Variants in TMEM132D observed in about 807,000 individuals in gnomAD.
TMEM132D encodes mature OL transmembrane protein.
A neutral mutation model predicts 62.3 loss-of-function variants in TMEM132D; 21 were observed. The ratio of observed to expected loss-of-function variants is 0.34; its 90% CI spans 0.24 to 0.49. The LOEUF is 0.49. TMEM132D is among the 20% of genes least tolerant of loss of function. The pLI is 0.99. For missense variants in TMEM132D, 1,346 were observed against 1,402.8 expected (o/e 0.96, Z 0.65); for synonymous variants, 621 against 575.6 (o/e 1.08, Z -1.13).
At chr12:129,500,509 T>C (rs1286138094) in intron 3 of TMEM132D, among the ~76,000 whole-genome samples, 5 of 152,074 alleles carry the variant, frequency 3.3e-5, no homozygotes, top group African/African-American at 7.2e-5. Flanking sequence ...TTGCTCTTTC[T>C]CTACCCTTGG....
chr12:129,686,884 C>G (rs1050141945), intron 2 of TMEM132D, among the ~76,000 whole-genome samples: 1 of 152,174 alleles, frequency 6.6e-6, no homozygotes, highest in East Asian at 1.9e-4. Context: ...ATCTCAACTC[C>G]CAGAGGAATG....
intron 1 of TMEM132D, among the ~76,000 whole-genome samples, chr12:129,895,722 AT>A (rs1875088180): frequency 6.6e-6 from 1 of 152,128 alleles, no homozygotes; most frequent in Non-Finnish European, 1.5e-5. Context: ...AATCTAGAAT[AT>A]TTTTAATTTG....
rs2135601112 is a variant in TMEM132D at position 129,073,842 on chromosome 12, G to A, written c.*33C>T. The A allele has an allele frequency of 6.7e-7, 1 of 1,498,774 alleles. No homozygotes were observed. Among genetic ancestry groups the A allele is most frequent in the Non-Finnish European group, 8.9e-7 (1 of 1,118,240 alleles). 92.8% of individuals were successfully genotyped at this position (1,498,774 alleles called of 1,614,324 possible). On this transcript the variant is annotated 3_prime_UTR_variant, in exon 9 of 9. Coordinates refer to ENST00000422113, the MANE Select transcript of TMEM132D (RefSeq NM_133448.3). ...ACATCCTGGAATTAAAGGCTGAAAG[G>A]TGAGTGAGAACCAATGTCTGTGTGT...
At chr12:129,799,162 G>A (rs1200575079) in intron 1 of TMEM132D, among the ~76,000 whole-genome samples, 3 of 152,100 alleles carry the variant, frequency 2.0e-5, no homozygotes, top group Admixed American at 6.5e-5. Flanking sequence ...CTACTCAGGA[G>A]GCTGAGGCAG....
At chr12:129,330,040 G>A (rs897397425) in intron 4 of TMEM132D, among the ~76,000 whole-genome samples, 28 of 152,140 alleles carry the variant, frequency 1.8e-4, no homozygotes, top group Admixed American at 1.6e-3. Flanking sequence ...ATTTTCTACC[G>A]AATCACAGAT....
chr12:129,071,747 A>G lies in TMEM132D; in HGVS notation c.*2128T>C, dbSNP rs1874072092. On this transcript the variant is annotated 3_prime_UTR_variant, in exon 9 of 9. Coordinates refer to ENST00000422113, the MANE Select transcript of TMEM132D (RefSeq NM_133448.3). ...TAAAGCCACTGAATGCAAACTTTAT[A>G]TTTACAGTCAGTAAGTTTATAAATA... 6.6e-6 allele frequency: 1 copy of G among 152,308 alleles called. No individual in the cohort carries two copies. The highest frequency in any genetic ancestry group is 1.5e-5 in the Non-Finnish European group (1 of 68,046). The allele number at this position is 152,308 out of a possible 1,614,324, so 9.4% of individuals were successfully genotyped here. A position where few individuals can be genotyped will look rare whatever the true frequency, so the allele number is the denominator to read the frequency against.
At chr12:129,888,280 G>A (rs572294280) in intron 1 of TMEM132D, among the ~76,000 whole-genome samples, 1 of 152,280 alleles carries the variant, frequency 6.6e-6, no homozygotes, top group East Asian at 1.9e-4. Flanking sequence ...AACACCCAAA[G>A]GATAGAGTAA....
intron 5 of TMEM132D, chr12:129,110,693 C>G (rs998854062): frequency 6.6e-6 from 1 of 152,212 alleles, no homozygotes; most frequent in African/African-American, 2.4e-5. Context: ...TATAGGTCAG[C>G]CCCCTGGCTC....
chr12:129,859,678 T>A (rs1873831533), intron 1 of TMEM132D, among the ~76,000 whole-genome samples: 1 of 152,172 alleles, frequency 6.6e-6, no homozygotes, highest in Non-Finnish European at 1.5e-5. Context: ...TAAGCTGGGT[T>A]CCTGAATCTT....
intron 5 of TMEM132D, among the ~76,000 whole-genome samples, chr12:129,165,353 G>A (rs969693438): frequency 6.6e-6 from 1 of 152,194 alleles, no homozygotes; most frequent in African/African-American, 2.4e-5. Context: ...GCATTTCATG[G>A]TGTGTAAAGT....
chr12:129,886,645 G>A (rs1403659166), intron 1 of TMEM132D, among the ~76,000 whole-genome samples: 2 of 152,132 alleles, frequency 1.3e-5, no homozygotes, highest in Non-Finnish European at 2.9e-5. Context: ...CCAGGGCCAG[G>A]GAGAACACAA....
intron 5 of TMEM132D, among the ~76,000 whole-genome samples, chr12:129,151,919 C>T (rs1307725026): frequency 7.1e-6 from 1 of 140,172 alleles, no homozygotes; most frequent in African/African-American, 2.6e-5. Context: ...GCTCTGTTGT[C>T]CAGGCTGGAG....
At chr12:129,399,958 G>C (rs959077795) in intron 3 of TMEM132D, among the ~76,000 whole-genome samples, 48 of 152,120 alleles carry the variant, frequency 3.2e-4, no homozygotes, top group African/African-American at 1.1e-3. Flanking sequence ...ATCAAAATTA[G>C]TAGGAAAACA....
intron 2 of TMEM132D, among the ~76,000 whole-genome samples, chr12:129,633,322 C>G (rs1287863217): frequency 3.3e-5 from 5 of 152,152 alleles, no homozygotes; most frequent in Non-Finnish European, 7.4e-5. Context: ...TTACAAGGAG[C>G]TTTTACCTAT....
chr12:129,255,379 T>C lies in TMEM132D; in HGVS notation c.1300-45716A>G, dbSNP rs557295236. On this transcript the variant is annotated intron_variant, in intron 4 of 8. Coordinates refer to ENST00000422113, the MANE Select transcript of TMEM132D (RefSeq NM_133448.3). Reference sequence around the variant, plus strand: ...AAGAGAGTTGATTATTTCCTTTTACTGATGTGTTCACTCAAGGTTTGACCC... The same window carrying C: ...AAGAGAGTTGATTATTTCCTTTTACCGATGTGTTCACTCAAGGTTTGACCC... Among the ~76,000 whole-genome samples the C allele has an allele frequency of 2.6e-5, 4 of 152,304 alleles. No homozygotes were observed. In the South Asian group the frequency reaches 8.3e-4, roughly 32 times the overall value.
Position 129,279,643 on chromosome 12 carries a change from T to C in TMEM132D, c.1299+57991A>G, listed in dbSNP as rs145873405. On this transcript the variant is annotated intron_variant, in intron 4 of 8. Transcript: ENST00000422113. ...AATTAGAGTGAATCCTTTAAGGGAA[T>C]ACACCCATTGGCAATCCCACCATCC... is the stretch of plus-strand genomic sequence containing the variant. Among the ~76,000 whole-genome samples, 123 of 152,156 alleles carry C rather than the reference T, an allele frequency of 8.1e-4. 1 individual carries two copies. The East Asian group carries it at 0.02, about 25-fold the overall frequency.
chr12:129,382,071 T>G lies in TMEM132D; in HGVS notation c.1116-44254A>C, dbSNP rs189691923. On this transcript the variant is annotated intron_variant, in intron 3 of 8. Transcript: ENST00000422113. ...AAAAAACTGTTGCTGGTGGTACAAG[T>G]CTGAAAATCTATTAAATTTCAGCAG... 1.9e-3 allele frequency among the ~76,000 whole-genome samples: 294 copies of G among 152,322 alleles called. 1 individual carries two copies. The highest frequency in any genetic ancestry group is 6.8e-3 in the African/African-American group (284 of 41,574).
chr12:129,674,512 G>A (rs1439829383), intron 2 of TMEM132D, among the ~76,000 whole-genome samples: 1 of 152,058 alleles, frequency 6.6e-6, no homozygotes, highest in Non-Finnish European at 1.5e-5. Flanking sequence ...AATGTATCAA[G>A]TCTGAACTCT....
intron 4 of TMEM132D, among the ~76,000 whole-genome samples, chr12:129,301,735 G>A (rs1206745912): frequency 6.6e-6 from 1 of 152,108 alleles, no homozygotes; most frequent in Non-Finnish European, 1.5e-5. Context: ...CCCCAAGTCT[G>A]GTGGGTGGGG....
Sources: allele counts gnomAD v4.1 joint callset (sites outside exome capture counted in the v4.1 genomes callset), GRCh38; gene constraint gnomAD v4.1.1; transcripts MANE v1.5; gene names NCBI Gene and HGNC (gene_info 2026-07-23, HGNC 2026-07-21).